The following ATAD2B variants were observed in gnomAD, a reference collection of about 807,000 sequenced individuals.
The protein encoded by ATAD2B is ATPase family AAA domain containing 2B.
A neutral mutation model predicts 167.6 loss-of-function variants in ATAD2B; 40 were observed. The observed-to-expected ratio is 0.24, with a 90% CI of 0.19 to 0.31. ATAD2B has a LOEUF of 0.31. Among genes scored for constraint, ATAD2B ranks in the 10% least tolerant of loss-of-function variants. The probability of loss-of-function intolerance (pLI) is 1.00; values close to 1 mark genes in which losing one functional copy is unlikely to be tolerated. For missense variants in ATAD2B, 1,242 were observed against 1,757.2 expected (o/e 0.71, Z 5.24); for synonymous variants, 579 against 596.5 (o/e 0.97, Z 0.43).
chr2:23,806,200 TCC>T (rs1236988005), intron 18 of ATAD2B: 2 of 152,234 alleles, frequency 1.3e-5, no homozygotes, highest in African/African-American at 2.4e-5. Flanking sequence ...CTTTTATAGT[TCC>T]ACTGCCCATG....
intron 21 of ATAD2B, 93 bp downstream of exon 21, chr2:23,785,934 G>T: frequency 1.8e-6 from 2 of 1,127,986 alleles, no homozygotes; most frequent in Non-Finnish European, 2.5e-6. Flanking sequence ...ATTCATCCAT[G>T]CCTTTGCTTT....
chr2:23,834,216 C>G, intron 13 of ATAD2B, 138 bp from the exon 14 acceptor site: 1 of 530,028 alleles, frequency 1.9e-6, no homozygotes, highest in Admixed American at 5.5e-5. Context: ...GGCTGGAGGG[C>G]AGTGGTGCAA....
chr2:23,762,961 A>G (rs1023007869), intron 23 of ATAD2B, among the ~76,000 whole-genome samples: 3 of 152,208 alleles, frequency 2.0e-5, no homozygotes, highest in Admixed American at 2.0e-4. Flanking sequence ...TTCAGGTTCA[A>G]TTACTATTAT....
intron 20 of ATAD2B, 48 bp downstream of exon 20, chr2:23,788,462 ATT>A (rs1216446018): frequency 6.4e-7 from 1 of 1,574,770 alleles, no homozygotes; most frequent in African/African-American, 1.4e-5. Context: ...AAGAAAGGGT[ATT>A]TCTTAACTCC....
At chr2:23,722,812 T>C in the ATAD2B span, among the ~76,000 whole-genome samples, 1 of 152,006 alleles carries the variant, frequency 6.6e-6, no homozygotes, top group East Asian at 1.9e-4. Flanking sequence ...GAAGAAAAAG[T>C]TTTTAAAAGC....
intron 6 of ATAD2B, among the ~76,000 whole-genome samples, chr2:23,884,178 C>G (rs1245675404): frequency 6.6e-6 from 1 of 152,032 alleles, no homozygotes; most frequent in East Asian, 1.9e-4. Context: ...AGAATTAAAT[C>G]CTATAGGTGT....
chr2:23,907,451 G>A (rs919036804), intron 1 of ATAD2B, among the ~76,000 whole-genome samples: 11 of 151,960 alleles, frequency 7.2e-5, no homozygotes, highest in Admixed American at 7.2e-4. Context: ...ACAAACCACT[G>A]CTCAAGGAAA....
intron 1 of ATAD2B, among the ~76,000 whole-genome samples, 171 bp downstream of exon 1, chr2:23,926,384 C>T (rs1489603956): frequency 1.3e-5 from 2 of 152,308 alleles, no homozygotes; most frequent in Non-Finnish European, 2.9e-5. Context: ...GCAAAGGGGC[C>T]AGCGTCGCGG....
intron 16 of ATAD2B, 134 bp from the exon 17 acceptor site, chr2:23,820,016 T>C (rs956326313): frequency 5.4e-6 from 3 of 555,450 alleles, no homozygotes; most frequent in African/African-American, 3.9e-5. Flanking sequence ...ACAGGCAAAC[T>C]GACAAACTGC....
chr2:23,788,439 A>G, intron 20 of ATAD2B, 73 bp downstream of exon 20: 1 of 1,509,026 alleles, frequency 6.6e-7, no homozygotes, highest in South Asian at 1.2e-5. Flanking sequence ...AAGGGCTAAA[A>G]TAAACTGACT....
chr2:23,810,285 T>C (rs1310784124), intron 18 of ATAD2B, 31 bp downstream of exon 18: 9 of 1,566,662 alleles, frequency 5.7e-6, no homozygotes, highest in Non-Finnish European at 7.9e-6. Context: ...AATAAGAAAG[T>C]TGGAAGTGCT....
chr2:23,869,644 C>T lies in ATAD2B; in HGVS notation c.1076+19G>A. The T allele has an allele frequency of 6.6e-7, 1 of 1,503,842 alleles. No individual in the cohort carries two copies. The highest frequency in any genetic ancestry group is 9.1e-7 in the Non-Finnish European group (1 of 1,103,042). The allele number at this position is 1,503,842 out of a possible 1,614,324, so 93.2% of individuals were successfully genotyped here. A position where few individuals can be genotyped will look rare whatever the true frequency, so the allele number is the denominator to read the frequency against. On this transcript the variant is annotated intron_variant, in intron 9 of 27. Transcript: ENST00000238789. ...TTCCTTTTTTCTACCATGGAAATAACATTACAAATTTTACTAACCTATTTC... is the reference window on the plus strand; with the variant it reads ...TTCCTTTTTTCTACCATGGAAATAATATTACAAATTTTACTAACCTATTTC...
the ATAD2B span, chr2:23,695,976 TGGG>T: frequency 6.4e-7 from 1 of 1,551,526 alleles, no homozygotes. This position sits in a 1 kb window ranked among gnomAD's most constrained non-coding sequence, Gnocchi z 7.6. Flanking sequence ...TCGTCTTGGT[TGGG>T]GGCCGTCAGA....
chr2:23,798,648 CTG>C (rs1014516714), intron 18 of ATAD2B, among the ~76,000 whole-genome samples: 2 of 152,070 alleles, frequency 1.3e-5, no homozygotes, highest in Non-Finnish European at 2.9e-5. Context: ...CAAAACACCA[CTG>C]TAAAATATGC....
chr2:23,847,555 T>C (rs1268280701), intron 13 of ATAD2B, among the ~76,000 whole-genome samples: 2 of 151,472 alleles, frequency 1.3e-5, no homozygotes, highest in Admixed American at 6.6e-5. Context: ...TGGCCCCAGC[T>C]ATTTGGGAGG....
chr2:23,790,842 T>C (rs1681571696), intron 19 of ATAD2B, among the ~76,000 whole-genome samples: 1 of 152,140 alleles, frequency 6.6e-6, no homozygotes, highest in Admixed American at 6.5e-5. Context: ...TTCCAATATT[T>C]CTGAAAAAAC....
the ATAD2B span, among the ~76,000 whole-genome samples, chr2:23,687,724 A>T: frequency 6.6e-6 from 1 of 152,184 alleles, no homozygotes; most frequent in South Asian, 2.1e-4. Flanking sequence ...TTGTCCGGGC[A>T]GACAAGTGGG....
chr2:23,865,227 T>C (rs1694960326), intron 10 of ATAD2B, among the ~76,000 whole-genome samples: 1 of 152,174 alleles, frequency 6.6e-6, no homozygotes, highest in African/African-American at 2.4e-5. Context: ...ATAATTTTTA[T>C]ATTATACCAA....
chr2:23,858,051 G>C (rs1359413617), intron 12 of ATAD2B, among the ~76,000 whole-genome samples: 1 of 150,624 alleles, frequency 6.6e-6, no homozygotes, highest in Admixed American at 6.6e-5. Context: ...CCACCAAAGA[G>C]TATTTTTTAA....
Sources: gnomAD v4.1 joint callset for allele counts (sites outside exome capture counted in the v4.1 genomes callset) on GRCh38, gnomAD v4.1.1 for gene constraint, Gnocchi (gnomAD v3.1) non-coding constraint, MANE v1.5 for transcripts, NCBI Gene and HGNC (gene_info 2026-07-23, HGNC 2026-07-21) for gene names.